The following GRN variants were observed in gnomAD, a reference collection of about 807,000 sequenced individuals.
The protein encoded by GRN is granulin precursor, also known as progranulin.
In GRN, 30 loss-of-function variants were observed where a neutral mutation model predicts 66.7. That is an observed-to-expected ratio of 0.45 (90% confidence interval 0.34 to 0.61). The LOEUF is 0.61. GRN is among the 20% of genes least tolerant of loss of function. GRN has a pLI of 0.01. For missense variants in GRN, 731 were observed against 803.5 expected (o/e 0.91, Z 1.09); for synonymous variants, 327 against 311.1 (o/e 1.05, Z -0.54).
chr17:44,346,187 G>C (rs1188451288), intron 1 of GRN: 2 of 154,612 alleles, frequency 1.3e-5, no homozygotes, highest in Non-Finnish European at 2.9e-5. Context: ...GCAGCGGACA[G>C]CCTGCTGAGA....
At chr17:44,351,258 C>A (rs971616593) in intron 8 of GRN, 95 bp downstream of exon 8, 2 of 1,549,044 alleles carry the variant, frequency 1.3e-6, no homozygotes, top group African/African-American at 1.4e-5. Flanking sequence ...TAAGCGGTAC[C>A]CTCCATCTTC....
rs772012249 is a variant in GRN, at chr17:44,350,702, A to G, written c.610A>G (p.Ser204Gly). ...QRTNRAVALSSSVMCPDARSR... is the reference protein window; with the variant it reads ...QRTNRAVALSGSVMCPDARSR... ...TGCTCCTCTTCCAGTGGCCTTGTCC[A>G]GCTCGGTCATGTGTCCGGACGCACG... Residue 204 changes from serine (S) to glycine (G), a missense_variant, in exon 7 of 13, where the codon AGC becomes GGC. Ser to Gly is a moderately conservative substitution (Grantham distance 56). This residue lies in a region of GRN where 370 missense variants were observed against 379.8 expected (regional missense o/e 0.97). Coordinates refer to ENST00000053867, the MANE Select transcript of GRN (RefSeq NM_002087.4). The G allele has an allele frequency of 3.1e-6, 5 of 1,613,986 alleles. No homozygotes were observed. The highest frequency in any genetic ancestry group is 1.7e-5 in the Admixed American group (1 of 60,024).
chr17:44,349,382 G>A (rs1323016762), intron 2 of GRN, 44 bp from the exon 3 acceptor site: 12 of 1,613,966 alleles, frequency 7.4e-6, no homozygotes, highest in South Asian at 2.2e-5. Flanking sequence ...AGAGGAGGAC[G>A]CCAGGCACAA....
At chr17:44,348,258 G>A (rs2048340000) in intron 1 of GRN, among the ~76,000 whole-genome samples, 1 of 152,160 alleles carries the variant, frequency 6.6e-6, no homozygotes, top group Non-Finnish European at 1.5e-5. Context: ...GCTGAGCCTG[G>A]GAGAAGAGTT....
At position 44,347,927 on chromosome 17, in the gene GRN, CAA is replaced by C. The variant is rs398030919; in HGVS notation, c.-7-1215_-7-1214del. ...CATGGGCAACAGAGCAAGACTGTCT[CAA>C]AAAAAAAAAAAAAAAGGGGGTGAGC... On this transcript the variant is annotated intron_variant, in intron 1 of 12. Coordinates refer to ENST00000053867, the MANE Select transcript of GRN (RefSeq NM_002087.4). Among the ~76,000 whole-genome samples the C allele has an allele frequency of 4.1e-3, 453 of 109,354 alleles. 1 individual carries two copies. The highest frequency in any genetic ancestry group is 0.014 in the African/African-American group (412 of 29,854). 71.7% of individuals were successfully genotyped at this position (109,354 alleles called of 152,430 possible). A position where few individuals can be genotyped will look rare whatever the true frequency, so the allele number is the denominator to read the frequency against.
At position 44,351,419 on chromosome 17, in the gene GRN, C is replaced by T. The variant is rs768033215; in HGVS notation, c.892C>T (p.Arg298Cys). Residue 298 changes from arginine (R) to cysteine (C), a missense_variant, in exon 9 of 13, where the codon CGT (arginine) becomes TGT (cysteine). Arg to Cys is a radical substitution (Grantham distance 180, BLOSUM62 -3). This residue lies in a region of GRN where 42 missense variants were observed against 76.6 expected (regional missense o/e 0.55). Coordinates refer to ENST00000053867, the MANE Select transcript of GRN (RefSeq NM_002087.4). ...VSCPDGYTCC[R>C]LQSGAWGCCP... The stretch of plus-strand genomic sequence containing the variant: ...CTGCCCAGATGGCTATACCTGCTGC[C>T]GTCTACAGTCGGGGGCCTGGGGCTG... 16 of 1,608,738 alleles carry T rather than the reference C, an allele frequency of 9.9e-6. No homozygotes were observed. The highest frequency in any genetic ancestry group is 2.7e-5 in the African/African-American group (2 of 74,530).
intron 1 of GRN, chr17:44,346,075 C>G (rs988521357): frequency 6.6e-6 from 1 of 152,356 alleles, no homozygotes. Flanking sequence ...ATACACTATA[C>G]TCCCTCAATT....
intron 1 of GRN, among the ~76,000 whole-genome samples, chr17:44,347,116 C>CA (rs58507117): frequency 0.47 from 67,770 of 145,610 alleles, 17,033 homozygotes; most frequent in East Asian, 0.91. Flanking sequence ...GACTCCATCT[C>CA]AAAAAAAAAA....
chr17:44,352,359 C>T lies in GRN; in HGVS notation c.1432C>T (p.Arg478Cys), dbSNP rs781387612. Residue 478 changes from arginine (R) to cysteine (C), a missense_variant, in exon 12 of 13, where the codon CGC (arginine) becomes TGC (cysteine). By Grantham distance (180) the Arg-to-Cys change is radical. Coordinates refer to ENST00000053867, the MANE Select transcript of GRN (RefSeq NM_002087.4). Reference sequence around the variant, plus strand: ...CCGCCAGGCTGTGTGCTGCGAGGATCGCCAGCACTGCTGCCCGGCTGGCTA... The same window carrying T: ...CCGCCAGGCTGTGTGCTGCGAGGATTGCCAGCACTGCTGCCCGGCTGGCTA... ...QLPHAVCCED[R>C]QHCCPAGYTC... 2.7e-5 allele frequency: 44 copies of T among 1,613,128 alleles called. No homozygotes were observed. Among genetic ancestry groups the T allele is most frequent in the East Asian group, 4.5e-5 (2 of 44,894 alleles).
At position 44,352,492 on chromosome 17, in the gene GRN, G is replaced by T; in HGVS notation, c.1565G>T (p.Gly522Val). The change falls in exon 12 of 13, where the codon GGG becomes GTG. Residue 522 changes from glycine (G) to valine (V), a missense_variant. This residue lies in a region of GRN where 319 missense variants were observed against 347.2 expected (regional missense o/e 0.92). Coordinates refer to ENST00000053867, the MANE Select transcript of GRN (RefSeq NM_002087.4). ...GTGGGTGTGAAGGACGTGGAGTGTGGGGAAGGACACTTCTGCCATGATAAC... is the reference window on the plus strand; with the variant it reads ...GTGGGTGTGAAGGACGTGGAGTGTGTGGAAGGACACTTCTGCCATGATAAC... The part of the protein sequence containing the change: ...PHVGVKDVEC[G>V]EGHFCHDNQT... 6.2e-7 allele frequency: 1 copy of T among 1,613,842 alleles called. No homozygotes were observed. The highest frequency in any genetic ancestry group is 8.5e-7 in the Non-Finnish European group (1 of 1,179,932).
Position 44,350,799 on chromosome 17 carries a change from A to C in GRN, c.707A>C (p.Asn236Thr). Reference protein sequence around the residue: ...SGKYGCCPMPNATCCSDHLHC... With the variant: ...SGKYGCCPMPTATCCSDHLHC... ...AAGTATGGCTGCTGCCCAATGCCCA[A>C]CGTGAGTGAGGGGCTGGAGCCAGCT... The change falls in exon 7 of 13, where the codon AAC becomes ACC. Residue 236 changes from asparagine to threonine, a missense_variant and splice_region_variant. This residue lies in a region of GRN where 370 missense variants were observed against 379.8 expected (regional missense o/e 0.97). Transcript: ENST00000053867. 1.2e-6 allele frequency: 2 copies of C among 1,607,070 alleles called. No homozygotes were observed. Among genetic ancestry groups the C allele is most frequent in the Non-Finnish European group, 8.5e-7 (1 of 1,173,736 alleles).
intron 1 of GRN, among the ~76,000 whole-genome samples, chr17:44,347,007 C>G (rs2048330713): frequency 6.6e-6 from 1 of 151,898 alleles, no homozygotes; most frequent in Non-Finnish European, 1.5e-5. Context: ...ATCCCACCTA[C>G]TTGGGAGGCT....
chr17:44,346,402 C>T (rs2048326796), intron 1 of GRN, among the ~76,000 whole-genome samples: 2 of 152,136 alleles, frequency 1.3e-5, no homozygotes, highest in Non-Finnish European at 2.9e-5. Flanking sequence ...GGTGAGATTT[C>T]CTGCCCCTCC....
chr17:44,345,371 T>G (rs1453257641), intron 1 of GRN, 37 bp downstream of exon 1: 1 of 10,266 alleles, frequency 9.7e-5, no homozygotes, highest in Admixed American at 1.5e-3. Context: ...CGCCTGCTCC[T>G]GCCCAGGGGC....
At chr17:44,348,922 T>C (rs2048345199) in intron 1 of GRN, among the ~76,000 whole-genome samples, 1 of 152,256 alleles carries the variant, frequency 6.6e-6, no homozygotes, top group Admixed American at 6.5e-5. Context: ...CATATACGCA[T>C]GTCAGCATTC....
chr17:44,350,262 T>C lies in GRN; in HGVS notation c.384T>C (p.Asp128=), dbSNP rs25646. ...NNSVGAIQCP[D]SQFECPDFST... is the part of the protein sequence containing the mutation. ...CCGTGGGTGCCATCCAGTGCCCTGATAGTCAGTTCGAATGCCCGGACTTCT... is the reference window on the plus strand; with the variant it reads ...CCGTGGGTGCCATCCAGTGCCCTGACAGTCAGTTCGAATGCCCGGACTTCT... The change falls in exon 5 of 13, where the codon GAT becomes GAC. Residue 128 remains aspartate, a synonymous_variant. Transcript: ENST00000053867. 0.036 allele frequency: 57,976 copies of C among 1,613,744 alleles called. 2,632 individuals carry two copies. Among genetic ancestry groups the C allele is most frequent in the East Asian group, 0.27 (12,120 of 44,854 alleles).
Position 44,351,801 on chromosome 17 carries a change from TG to T in GRN, c.1179+9del. 1 of 1,612,552 alleles carries T rather than the reference TG, an allele frequency of 6.2e-7. No homozygotes were observed. The highest frequency in any genetic ancestry group is 8.5e-7 in the Non-Finnish European group (1 of 1,179,668). The stretch of plus-strand genomic sequence containing the variant: ...GCTGCTGTCCAATCCCAGAGGTATA[TG>T]GGAGGGGACAGCATCTTGGCCTGGG... On this transcript the variant is annotated splice_region_variant and intron_variant, in intron 10 of 12. Transcript: ENST00000053867.
Position 44,352,498 on chromosome 17 carries a change from G to T in GRN, c.1571G>T (p.Gly524Val), listed in dbSNP as rs755127828. 1.9e-6 allele frequency: 3 copies of T among 1,613,792 alleles called. No individual in the cohort carries two copies. The Admixed American group carries it at 5.0e-5, about 27-fold the overall frequency. ...GTGAAGGACGTGGAGTGTGGGGAAG[G>T]ACACTTCTGCCATGATAACCAGACC... ...VGVKDVECGE[G>V]HFCHDNQTCC... The change falls in exon 12 of 13, where the codon GGA becomes GTA. Residue 524 changes from glycine (G) to valine (V), a missense_variant. This residue lies in a region of GRN where 319 missense variants were observed against 347.2 expected (regional missense o/e 0.92). Coordinates refer to ENST00000053867, the MANE Select transcript of GRN (RefSeq NM_002087.4).
rs1486380359 is a variant in GRN at position 44,351,715 on chromosome 17, GATA to G, written c.1102_1104del (p.Asn368del). 1.9e-6 allele frequency: 3 copies of G among 1,613,884 alleles called. No individual in the cohort carries two copies. Among genetic ancestry groups the G allele is most frequent in the South Asian group, 1.1e-5 (1 of 91,088 alleles). On this transcript the variant is annotated inframe_deletion, in exon 10 of 13. Transcript: ENST00000053867. ...AGCCTTGAAGAGAGATGTCCCCTGT[GATA>G]ATGTCAGCAGCTGTCCCTCCTCCGA...
Sources: allele counts gnomAD v4.1 joint callset (sites outside exome capture counted in the v4.1 genomes callset), GRCh38; gene constraint gnomAD v4.1.1; regional missense constraint gnomAD v4.1.1; transcripts MANE v1.5; gene names NCBI Gene and HGNC (gene_info 2026-07-23, HGNC 2026-07-21).